TNS1: variants seen among roughly 807,000 people sequenced by gnomAD.
TNS1 encodes tensin 1.
TNS1 carries 62 observed loss-of-function variants against 168.6 expected under a neutral mutation model. The ratio of observed to expected loss-of-function variants is 0.37; its 90% CI spans 0.30 to 0.45. TNS1 has a LOEUF of 0.45. Ranked by LOEUF, TNS1 falls within the 20% of genes least tolerant of loss-of-function variation. The pLI, the probability that TNS1 is intolerant of heterozygous loss-of-function variation, is 1.00. For missense variants in TNS1, 2,240 were observed against 2,339.4 expected (o/e 0.96, Z 0.88); for synonymous variants, 934 against 933.2 (o/e 1.00, Z -0.02).
chr2:217,951,418 G>T (rs764895407), intron 3 of TNS1, among the ~76,000 whole-genome samples: 212 of 152,282 alleles, frequency 1.4e-3, no homozygotes, highest in Non-Finnish European at 1.8e-3. Flanking sequence ...GCTTTGTGGG[G>T]ATTAACTCAT....
chr2:217,847,567 G>C lies in TNS1; in HGVS notation c.2950C>G (p.Arg984Gly). ...SPKEATSDPSRTPEEEPLNLE... is the reference protein window; with the variant it reads ...SPKEATSDPSGTPEEEPLNLE... The stretch of plus-strand genomic sequence containing the variant: ...TTCAATGGCTCCTCCTCTGGAGTCC[G>C]GGAGGGGTCTGAAGTCGCTTCCTTT... Residue 984 changes from arginine (R) to glycine (G), a missense_variant, in exon 19 of 33, where the codon CGG becomes GGG. This residue lies in a region of TNS1 where 2,131 missense variants were observed against 2,171.2 expected (regional missense o/e 0.98). Transcript: ENST00000682258. The C allele has an allele frequency of 6.7e-7, 1 of 1,496,570 alleles. No homozygotes were observed. The highest frequency in any genetic ancestry group is 1.4e-5 in the South Asian group (1 of 70,150). The allele number at this position is 1,496,570 out of a possible 1,614,324, so 92.7% of individuals were successfully genotyped here.
At chr2:217,984,850 G>T (rs1249240507) in intron 2 of TNS1, among the ~76,000 whole-genome samples, 1 of 151,406 alleles carries the variant, frequency 6.6e-6, no homozygotes, top group Non-Finnish European at 1.5e-5. Flanking sequence ...CCACCTCCCG[G>T]GTTCAAGAAA....
At chr2:217,974,782 A>G (rs1957853499) in intron 3 of TNS1, among the ~76,000 whole-genome samples, 2 of 152,110 alleles carry the variant, frequency 1.3e-5, no homozygotes, top group Non-Finnish European at 2.9e-5. Context: ...TTCAAACCCA[A>G]GTATGTCTGA....
intron 18 of TNS1, chr2:217,849,676 C>G: frequency 3.0e-6 from 3 of 985,456 alleles, no homozygotes; most frequent in Non-Finnish European, 3.6e-6. Context: ...AAAAGTCTCA[C>G]CCCTGCTTCG....
chr2:217,881,256 C>G lies in TNS1; in HGVS notation c.1313-242G>C. 5 of 478,004 alleles carry G rather than the reference C, an allele frequency of 1.0e-5. No homozygotes were observed. The South Asian group carries it at 1.7e-4, about 16-fold the overall frequency. The allele number at this position is 478,004 out of a possible 1,614,324, so 29.6% of individuals were successfully genotyped here. A position where few individuals can be genotyped will look rare whatever the true frequency, so the allele number is the denominator to read the frequency against. On this transcript the variant is annotated intron_variant, in intron 17 of 32. Transcript: ENST00000682258. ...GGTCATAGGGGTAAATCAGGACAGG[C>G]ACTGAAGAATGAAGACCCCCTGGAA...
chr2:217,866,849 A>G (rs1351702552), intron 18 of TNS1, among the ~76,000 whole-genome samples: 1 of 152,170 alleles, frequency 6.6e-6, no homozygotes, highest in African/African-American at 2.4e-5. Context: ...CATTGGGCAG[A>G]GCTGGACAGG....
chr2:217,854,607 A>C (rs3791968), intron 18 of TNS1, among the ~76,000 whole-genome samples: 44,999 of 152,086 alleles, frequency 0.3, 6,832 homozygotes, highest in Middle Eastern at 0.39. Flanking sequence ...AAAACTCCTT[A>C]AAAGGAGGAG....
At position 217,836,125 on chromosome 2, in the gene TNS1, A is replaced by T; in HGVS notation, c.3094T>A (p.Ser1032Thr). The stretch of plus-strand genomic sequence containing the variant: ...CTACGAGGGGATGTGGCTTCTGGAG[A>T]CTGGTTCTCATACTGTCCATCACTG... ...AASDGQYENQ[S>T]PEATSPRSPG... The change falls in exon 20 of 33, where the codon TCT becomes ACT. Residue 1032 changes from serine (S) to threonine (T), a missense_variant. Around this residue, in one of 2 missense-constraint regions of TNS1, gnomAD observed 2,131 missense variants for 2,171.2 expected, o/e 0.98. Coordinates refer to ENST00000682258, the MANE Select transcript of TNS1 (RefSeq NM_001387777.1). The T allele has an allele frequency of 1.9e-6, 3 of 1,613,982 alleles. No homozygotes were observed. Among genetic ancestry groups the T allele is most frequent in the Non-Finnish European group, 2.5e-6 (3 of 1,179,948 alleles).
chr2:217,866,633 C>T (rs994319346), intron 18 of TNS1, among the ~76,000 whole-genome samples: 4 of 152,204 alleles, frequency 2.6e-5, no homozygotes, highest in Admixed American at 6.5e-5. Flanking sequence ...CAAGCTGACC[C>T]GGCAGACAGC....
intron 6 of TNS1, among the ~76,000 whole-genome samples, chr2:217,901,210 G>A (rs1414473491): frequency 2.6e-5 from 4 of 152,154 alleles, no homozygotes; most frequent in African/African-American, 9.7e-5. Flanking sequence ...GAAAGCACAG[G>A]GTCAGAGGCC....
At chr2:217,830,835 G>A (rs1331075133) in intron 22 of TNS1, among the ~76,000 whole-genome samples, 1 of 152,226 alleles carries the variant, frequency 6.6e-6, no homozygotes, top group Non-Finnish European at 1.5e-5. Context: ...GAAGACCTGG[G>A]CTGAGGGCAA....
chr2:217,893,374 ACACACATGTGCGCATGTGCGCGCGCG>A (rs1015594046), intron 10 of TNS1, 39 bp downstream of exon 10: 34 of 1,517,276 alleles, frequency 2.2e-5, no homozygotes, highest in Admixed American at 2.2e-4. Context: ...ATTCAGGCAC[ACACACATGTGCGCATGTGCGCGCGCG>A]CACACACACA....
chr2:218,000,354 G>T (rs1013946160), intron 1 of TNS1, among the ~76,000 whole-genome samples: 11 of 152,234 alleles, frequency 7.2e-5, no homozygotes, highest in African/African-American at 2.4e-4. Flanking sequence ...CAGAGTAGCT[G>T]GTCAGAGTCC....
upstream of TNS1, chr2:218,003,047 TC>T: frequency 2.6e-6 from 1 of 390,220 alleles, no homozygotes; most frequent in Non-Finnish European, 5.1e-6. Flanking sequence ...CTCCTCCTCC[TC>T]CCCCCACTCC....
At chr2:217,922,097 T>C (rs917173117) in intron 3 of TNS1, among the ~76,000 whole-genome samples, 1 of 152,052 alleles carries the variant, frequency 6.6e-6, no homozygotes, top group African/African-American at 2.4e-5. Context: ...CTATGAGTGA[T>C]TGTTTTAGAA....
intron 18 of TNS1, chr2:217,850,700 C>A (rs1947369638): frequency 8.6e-6 from 6 of 700,620 alleles, no homozygotes; most frequent in African/African-American, 1.9e-5. Flanking sequence ...AAAGACTGCA[C>A]CAGCTCCAGC....
At chr2:217,936,559 C>T (rs1032606162) in intron 3 of TNS1, among the ~76,000 whole-genome samples, 1 of 152,136 alleles carries the variant, frequency 6.6e-6, no homozygotes, top group Non-Finnish European at 1.5e-5. Flanking sequence ...TTCCAGGAAC[C>T]CAGGCCCTGG....
At chr2:217,845,411 A>C (rs61604233) in intron 19 of TNS1, among the ~76,000 whole-genome samples, 3,460 of 152,280 alleles carry the variant, frequency 0.023, 122 homozygotes, top group African/African-American at 0.079. Context: ...CTTTATCTAC[A>C]CAGGCACTGC....
rs1173328337 is a variant in TNS1 at position 217,881,082 on chromosome 2, T to C, written c.1313-68A>G. 3 of 1,166,236 alleles carry C rather than the reference T, an allele frequency of 2.6e-6. No homozygotes were observed. The East Asian group carries it at 7.0e-5, about 27-fold the overall frequency. The allele number at this position is 1,166,236 out of a possible 1,614,324, so 72.2% of individuals were successfully genotyped here. ...CAGAGAGGGAAAAGAGATCAGCAGC[T>C]GGAAAAACAGAGAAAGCCCACAAGC... On this transcript the variant is annotated intron_variant, in intron 17 of 32. Coordinates refer to ENST00000682258, the MANE Select transcript of TNS1 (RefSeq NM_001387777.1).
Sources: allele counts gnomAD v4.1 joint callset (sites outside exome capture counted in the v4.1 genomes callset), GRCh38; gene constraint gnomAD v4.1.1; regional missense constraint gnomAD v4.1.1; transcripts MANE v1.5; gene names NCBI Gene and HGNC (gene_info 2026-07-23, HGNC 2026-07-21).